Variants in TECPR2 observed in about 807,000 individuals in gnomAD.
TECPR2 encodes the protein tectonin beta-propeller repeat-containing protein 2.
In TECPR2, 65 loss-of-function variants were observed where a neutral mutation model predicts 138.1. The observed-to-expected ratio is 0.47, with a 90% CI of 0.39 to 0.58. The LOEUF is 0.58. TECPR2 is among the 20% of genes least tolerant of loss of function. The pLI, the probability that TECPR2 is intolerant of heterozygous loss-of-function variation, is 0.00. For missense variants in TECPR2, 1,553 were observed against 1,824.5 expected (o/e 0.85, Z 2.71); for synonymous variants, 746 against 749.8 (o/e 0.99, Z 0.08).
intron 17 of TECPR2, among the ~76,000 whole-genome samples, chr14:102,493,333 G>A (rs567966947): frequency 5.9e-5 from 9 of 152,310 alleles, no homozygotes; most frequent in African/African-American, 1.7e-4. Flanking sequence ...GCGGCCTTCC[G>A]AGTGGGGAAG....
chr14:102,477,774 A>G (rs576212949), intron 17 of TECPR2, among the ~76,000 whole-genome samples: 54 of 130,704 alleles, frequency 4.1e-4, no homozygotes, highest in Non-Finnish European at 7.3e-4. Context: ...GTTAGCCAGG[A>G]CATACAAAAA....
intron 1 of TECPR2, among the ~76,000 whole-genome samples, chr14:102,365,380 A>G (rs1030165720): frequency 3.3e-5 from 5 of 152,230 alleles, no homozygotes; most frequent in Admixed American, 2.6e-4. Context: ...GCGGAGGACT[A>G]GTTCTTACAG....
intron 6 of TECPR2, among the ~76,000 whole-genome samples, chr14:102,426,585 T>C (rs8019511): frequency 0.041 from 6,244 of 152,216 alleles, 147 homozygotes; most frequent in Middle Eastern, 0.092. Context: ...CGCAGTGGCT[T>C]ACGCCTGTAA....
Position 102,498,994 on chromosome 14 carries a change from TGCACCGCACCGCACC to T in TECPR2, c.*744_*758del. On this transcript the variant is annotated 3_prime_UTR_variant, in exon 20 of 20. Coordinates refer to ENST00000359520, the MANE Select transcript of TECPR2 (RefSeq NM_014844.5). Reference sequence around the variant, plus strand: ...CAACACACCACACCCCACACCGCACTGCACCGCACCGCACCGCACCGTACCTCGCCACATCTCACC... The same window carrying T: ...CAACACACCACACCCCACACCGCACTGCACCGTACCTCGCCACATCTCACC... 1.4e-6 allele frequency: 1 copy of T among 692,938 alleles called. No individual in the cohort carries two copies. The highest frequency in any genetic ancestry group is 2.6e-6 in the Non-Finnish European group (1 of 380,704). The allele number at this position is 692,938 out of a possible 1,614,324, so 42.9% of individuals were successfully genotyped here. A position where few individuals can be genotyped will look rare whatever the true frequency, so the allele number is the denominator to read the frequency against.
At chr14:102,477,745 T>A (rs34707848) in intron 17 of TECPR2, among the ~76,000 whole-genome samples, 128,067 of 128,096 alleles carry the variant, frequency 1, 64,019 homozygotes, top group Middle Eastern at 1. Flanking sequence ...TATTTTATGT[T>A]GATACAGGGT....
At chr14:102,421,262 C>T (rs2139711110) in intron 5 of TECPR2, among the ~76,000 whole-genome samples, 1 of 152,272 alleles carries the variant, frequency 6.6e-6, no homozygotes, top group Middle Eastern at 3.4e-3. Flanking sequence ...CTCTGGTTCG[C>T]TCTATTTAGA....
chr14:102,467,158 G>A (rs943631405), intron 17 of TECPR2, among the ~76,000 whole-genome samples: 1 of 152,132 alleles, frequency 6.6e-6, no homozygotes. Flanking sequence ...GAGGATGTAT[G>A]TTCCCAGTTC....
At chr14:102,417,684 G>T (rs796345286) in intron 5 of TECPR2, among the ~76,000 whole-genome samples, 1 of 152,192 alleles carries the variant, frequency 6.6e-6, no homozygotes, top group Non-Finnish European at 1.5e-5. Context: ...AGTGACTAGG[G>T]CACTGGCTAT....
intron 2 of TECPR2, among the ~76,000 whole-genome samples, chr14:102,402,644 T>C (rs1888523419): frequency 6.6e-6 from 1 of 152,112 alleles, no homozygotes; most frequent in Non-Finnish European, 1.5e-5. Flanking sequence ...GACAAACCTT[T>C]AGCCAGATGG....
chr14:102,381,371 G>A (rs7159792), intron 2 of TECPR2, among the ~76,000 whole-genome samples: 3,705 of 152,282 alleles, frequency 0.024, 169 homozygotes, highest in African/African-American at 0.084. Flanking sequence ...TCGGGAATTC[G>A]AGACCAATCT....
chr14:102,488,289 G>T (rs991958876), intron 17 of TECPR2, among the ~76,000 whole-genome samples: 6 of 151,468 alleles, frequency 4.0e-5, no homozygotes, highest in African/African-American at 1.5e-4. Context: ...ATAGAGCTGG[G>T]ATTATAGGTG....
At chr14:102,391,314 C>T (rs186861176) in intron 2 of TECPR2, among the ~76,000 whole-genome samples, 1 of 152,206 alleles carries the variant, frequency 6.6e-6, no homozygotes, top group African/African-American at 2.4e-5. Context: ...CCCACCTCGG[C>T]CTCCCAAAGT....
intron 3 of TECPR2, among the ~76,000 whole-genome samples, chr14:102,407,987 A>C (rs570075215): frequency 7.0e-6 from 1 of 143,380 alleles, no homozygotes; most frequent in Non-Finnish European, 1.5e-5. Flanking sequence ...ACAGAGGGAG[A>C]CTCCATCTAA....
intron 1 of TECPR2, among the ~76,000 whole-genome samples, chr14:102,369,204 A>C (rs79914589): frequency 0.013 from 1,923 of 152,156 alleles, 45 homozygotes; most frequent in African/African-American, 0.043. Context: ...TGCTCTGCAA[A>C]TGCACTTTTG....
At chr14:102,366,109 A>G (rs1199484073) in intron 1 of TECPR2, among the ~76,000 whole-genome samples, 2 of 152,154 alleles carry the variant, frequency 1.3e-5, no homozygotes, top group Non-Finnish European at 2.9e-5. Context: ...TGTACAGCGA[A>G]GTGGATGACT....
intron 1 of TECPR2, among the ~76,000 whole-genome samples, chr14:102,369,352 T>C (rs1887431003): frequency 6.6e-6 from 1 of 152,160 alleles, no homozygotes; most frequent in African/African-American, 2.4e-5. Context: ...TTGACAGAGC[T>C]ACTATGAGGA....
chr14:102,437,910 C>T (rs1476188131), intron 9 of TECPR2, 112 bp from the exon 10 acceptor site: 6 of 1,270,640 alleles, frequency 4.7e-6, no homozygotes, highest in African/African-American at 4.5e-5. Context: ...GTCTTGCTGA[C>T]CCGTTTTACC....
At chr14:102,423,437 CA>C (rs35097163) in intron 5 of TECPR2, among the ~76,000 whole-genome samples, 2,234 of 129,434 alleles carry the variant, frequency 0.017, 47 homozygotes, top group East Asian at 0.058. Flanking sequence ...AACTCTGTCT[CA>C]AAAAAAAAAA....
intron 5 of TECPR2, among the ~76,000 whole-genome samples, chr14:102,422,015 A>G (rs1889196727): frequency 6.6e-6 from 1 of 152,190 alleles, no homozygotes; most frequent in African/African-American, 2.4e-5. Context: ...ACGAGAACTC[A>G]GATTGCCAGT....
Sources: gnomAD v4.1 joint callset for allele counts (sites outside exome capture counted in the v4.1 genomes callset) on GRCh38, gnomAD v4.1.1 for gene constraint, MANE v1.5 for transcripts, NCBI Gene and HGNC (gene_info 2026-07-23, HGNC 2026-07-21) for gene names.